Variants in PDZRN3 observed in about 807,000 individuals in gnomAD.
The protein encoded by PDZRN3 is E3 ubiquitin-protein ligase PDZRN3.
In PDZRN3, 38 loss-of-function variants were observed where a neutral mutation model predicts 85.7. The ratio of observed to expected loss-of-function variants is 0.44; its 90% CI spans 0.34 to 0.58. The LOEUF is 0.58. Among genes scored for constraint, PDZRN3 ranks in the 20% least tolerant of loss-of-function variants. The pLI, the probability that PDZRN3 is intolerant of heterozygous loss-of-function variation, is 0.01. For missense variants in PDZRN3, 1,629 were observed against 1,506.4 expected, an observed-to-expected ratio of 1.08 and a Z score of -1.35; for synonymous variants, 759 against 638.0, an observed-to-expected ratio of 1.19 and a Z score of -2.86.
At chr3:73,449,818 A>C (rs531453071) in intron 3 of PDZRN3, among the ~76,000 whole-genome samples, 16 of 152,302 alleles carry the variant, frequency 1.1e-4, no homozygotes, top group Non-Finnish European at 1.9e-4. Context: ...TGACTTCTCG[A>C]CTAAAAAATG....
intron 1 of PDZRN3, among the ~76,000 whole-genome samples, chr3:73,623,256 G>A (rs1394904308): frequency 6.6e-6 from 1 of 152,200 alleles, no homozygotes; most frequent in Non-Finnish European, 1.5e-5. Flanking sequence ...TCGCACTGAG[G>A]GAAACTGAGG....
chr3:73,394,808 G>T (rs1273692712), intron 5 of PDZRN3, among the ~76,000 whole-genome samples: 1 of 152,220 alleles, frequency 6.6e-6, no homozygotes, highest in East Asian at 1.9e-4. Flanking sequence ...GAATCTGGTT[G>T]CTGACAGTTA....
At chr3:73,443,503 G>GGGGT (rs1702688133) in intron 3 of PDZRN3, among the ~76,000 whole-genome samples, 1 of 132,510 alleles carries the variant, frequency 7.5e-6, no homozygotes. Flanking sequence ...TTTTTTGGGG[G>GGGGT]GGGGACAGCG....
chr3:73,601,162 G>A (rs549601998), intron 3 of PDZRN3, among the ~76,000 whole-genome samples: 53 of 152,288 alleles, frequency 3.5e-4, no homozygotes, highest in African/African-American at 9.6e-4. Flanking sequence ...CATACTGCAC[G>A]TTGCAGAATG....
At chr3:73,578,949 T>A (rs1188439983) in intron 3 of PDZRN3, among the ~76,000 whole-genome samples, 1 of 152,202 alleles carries the variant, frequency 6.6e-6, no homozygotes, top group East Asian at 1.9e-4. Flanking sequence ...CCTAGACTTT[T>A]AAAATTACCT....
chr3:73,571,157 CA>C (rs1451172642), intron 3 of PDZRN3, among the ~76,000 whole-genome samples: 1 of 152,204 alleles, frequency 6.6e-6, no homozygotes, highest in Non-Finnish European at 1.5e-5. Context: ...CAACAACATA[CA>C]ATCTCAGTCC....
intron 3 of PDZRN3, among the ~76,000 whole-genome samples, chr3:73,565,170 C>A (rs1030629857): frequency 1.4e-5 from 2 of 147,404 alleles, no homozygotes; most frequent in Non-Finnish European, 3.0e-5. Context: ...ACTCTGTTGC[C>A]CAGGCTGGAG....
chr3:73,615,510 C>CT (rs1702748285), intron 1 of PDZRN3, among the ~76,000 whole-genome samples: 2 of 152,076 alleles, frequency 1.3e-5, no homozygotes, highest in African/African-American at 2.4e-5. Flanking sequence ...GCAGGTGGGG[C>CT]CTTTGGGACG....
At chr3:73,419,610 T>A (rs1356388671) in intron 3 of PDZRN3, among the ~76,000 whole-genome samples, 1 of 152,212 alleles carries the variant, frequency 6.6e-6, no homozygotes, top group Non-Finnish European at 1.5e-5. Flanking sequence ...TTAAATCTTT[T>A]CTCAGTTGAG....
At chr3:73,473,494 A>G (rs1336370253) in intron 3 of PDZRN3, among the ~76,000 whole-genome samples, 5 of 152,162 alleles carry the variant, frequency 3.3e-5, no homozygotes, top group African/African-American at 4.8e-5. Context: ...TTGGAGATAC[A>G]TAGGCCCATT....
intron 1 of PDZRN3, among the ~76,000 whole-genome samples, chr3:73,613,531 G>A (rs1414325970): frequency 6.6e-6 from 1 of 152,100 alleles, no homozygotes; most frequent in Non-Finnish European, 1.5e-5. Flanking sequence ...ACTGCTCCAA[G>A]TTCTACCATA....
chr3:73,600,840 GCTCTTAAGAAAGCA>G (rs1702506310), intron 3 of PDZRN3, among the ~76,000 whole-genome samples: 1 of 152,150 alleles, frequency 6.6e-6, no homozygotes, highest in South Asian at 2.1e-4. Context: ...ACGCATTTGA[GCTCTTAAGAAAGCA>G]CTCTTGCCCA....
intron 3 of PDZRN3, among the ~76,000 whole-genome samples, chr3:73,414,174 C>T (rs556573095): frequency 5.9e-5 from 9 of 152,288 alleles, no homozygotes; most frequent in Admixed American, 2.0e-4. Context: ...CAACATCACA[C>T]ATTTTTTGAA....
At chr3:73,516,126 G>T (rs1403134009) in intron 3 of PDZRN3, among the ~76,000 whole-genome samples, 4 of 152,190 alleles carry the variant, frequency 2.6e-5, no homozygotes, top group African/African-American at 9.7e-5. Context: ...AATTTGGGAG[G>T]AAGGGATATA....
chr3:73,498,589 T>C (rs971033502), intron 3 of PDZRN3, among the ~76,000 whole-genome samples: 37 of 140,644 alleles, frequency 2.6e-4, no homozygotes, highest in African/African-American at 1.0e-3. Flanking sequence ...GATTCATAAC[T>C]TTTTTTTTTT....
At chr3:73,401,060 G>T in intron 4 of PDZRN3, 51 bp from the exon 5 acceptor site, 1 of 1,371,822 alleles carries the variant, frequency 7.3e-7, no homozygotes, top group Non-Finnish European at 1.0e-6. Context: ...GTCAGTATCT[G>T]TTTTTCTTAC....
At chr3:73,463,440 A>G (rs77176066) in intron 3 of PDZRN3, among the ~76,000 whole-genome samples, 3 of 152,362 alleles carry the variant, frequency 2.0e-5, no homozygotes, top group African/African-American at 4.8e-5. Context: ...TGAAAACTCC[A>G]TATGTATACA....
chr3:73,446,603 C>T (rs1347920299), intron 3 of PDZRN3, among the ~76,000 whole-genome samples: 2 of 152,156 alleles, frequency 1.3e-5, no homozygotes, highest in Non-Finnish European at 2.9e-5. Context: ...ATACTCACTA[C>T]ACTTTCTTAT....
chr3:73,415,773 A>ATGTAACTTAAACCATTTTACAT, intron 3 of PDZRN3, among the ~76,000 whole-genome samples: 1 of 152,302 alleles, frequency 6.6e-6, no homozygotes, highest in East Asian at 1.9e-4. Flanking sequence ...TGCATTTTTG[A>ATGTAACTTAAACCATTTTACAT]CTTAAAATGG....
Sources: gnomAD v4.1 joint callset for allele counts (sites outside exome capture counted in the v4.1 genomes callset) on GRCh38, gnomAD v4.1.1 for gene constraint, MANE v1.5 for transcripts, NCBI Gene and HGNC (gene_info 2026-07-23, HGNC 2026-07-21) for gene names.